APBA2: variants seen among roughly 807,000 people sequenced by gnomAD.
APBA2 encodes the protein amyloid beta precursor protein binding family A member 2, also known as amyloid-beta A4 precursor protein-binding family A member 2.
Under a neutral mutation model 75.0 loss-of-function variants are expected in APBA2, and 30 were observed. The ratio of observed to expected loss-of-function variants is 0.40; its 90% confidence interval spans 0.30 to 0.54. The LOEUF (loss-of-function observed/expected upper bound fraction) is 0.54. Ranked by LOEUF, APBA2 falls within the 20% of genes least tolerant of loss-of-function variation. The pLI is 0.49. For missense variants in APBA2, 801 were observed against 1,016.1 expected (o/e 0.79, Z 2.88); for synonymous variants, 444 against 409.6 (o/e 1.08, Z -1.01).
intron 4 of APBA2, among the ~76,000 whole-genome samples, chr15:29,070,343 C>T (rs79663963): frequency 0.027 from 4,167 of 152,162 alleles, 172 homozygotes; most frequent in East Asian, 0.14. Context: ...GTCTGGATAC[C>T]GGGATGCAGG....
intron 4 of APBA2, among the ~76,000 whole-genome samples, chr15:29,067,513 C>G (rs1334694910): frequency 6.6e-6 from 1 of 152,056 alleles, no homozygotes; most frequent in African/African-American, 2.4e-5. Flanking sequence ...CCCTTCTCTC[C>G]TAGGTCTTGT....
chr15:29,054,872 G>A lies in APBA2; in HGVS notation c.951+37G>A. 1 of 1,572,870 alleles carries A rather than the reference G, an allele frequency of 6.4e-7. No homozygotes were observed. On this transcript the variant is annotated intron_variant, in intron 4 of 14. Transcript: ENST00000683413. This position sits in a 1 kb window ranked among gnomAD's most constrained non-coding sequence, Gnocchi z 6.1. ...GCTGTCCTGGGGAAGGGAGCAGAGG[G>A]GCCCGAGAGCAAGGGACCTCAGGGT...
chr15:28,886,332 G>C (rs1380305284), intron 1 of APBA2, 54 bp downstream of exon 1: 4 of 151,220 alleles, frequency 2.6e-5, no homozygotes, highest in African/African-American at 9.7e-5. Flanking sequence ...GCCTGGGGCC[G>C]CCCGGGGCGC....
At chr15:28,920,345 G>A (rs556079561) in intron 1 of APBA2, among the ~76,000 whole-genome samples, 4 of 152,340 alleles carry the variant, frequency 2.6e-5, no homozygotes, top group African/African-American at 9.6e-5. Context: ...GGTGTGATGG[G>A]GCAAGGAAGC....
At chr15:29,040,053 A>G (rs1030660323) in intron 3 of APBA2, among the ~76,000 whole-genome samples, 1 of 152,192 alleles carries the variant, frequency 6.6e-6, no homozygotes. Flanking sequence ...CTTTGTGGCC[A>G]GAGGGTTGAA....
Position 29,117,341 on chromosome 15 carries a change from A to ATGT in APBA2, c.*210_*212dup, listed in dbSNP as rs953928082. The stretch of plus-strand genomic sequence containing the variant: ...TTATCAAAGGAGAGTCACAGAACAA[A>ATGT]TGTTTGTTTGTAAAGCGTTCCAAGT... On this transcript the variant is annotated 3_prime_UTR_variant, in exon 15 of 15. Transcript: ENST00000683413. 2.3e-5 allele frequency: 14 copies of ATGT among 601,230 alleles called. 1 individual carries two copies. The East Asian group carries it at 3.9e-4, about 17-fold the overall frequency. The allele number at this position is 601,230 out of a possible 1,614,324, so 37.2% of individuals were successfully genotyped here. A position where few individuals can be genotyped will look rare whatever the true frequency, so the allele number is the denominator to read the frequency against.
At chr15:29,104,017 T>G (rs940671854) in intron 10 of APBA2, among the ~76,000 whole-genome samples, 4 of 152,216 alleles carry the variant, frequency 2.6e-5, no homozygotes, top group East Asian at 3.9e-4. Flanking sequence ...TGGAAACGGC[T>G]TAGGGCCCGT....
intron 3 of APBA2, among the ~76,000 whole-genome samples, chr15:29,007,697 G>A (rs1219902178): frequency 6.6e-6 from 1 of 152,066 alleles, no homozygotes; most frequent in African/African-American, 2.4e-5. Context: ...CTATTAGGCC[G>A]GCTATTACAA....
At chr15:28,905,478 G>C (rs1399738670) in intron 1 of APBA2, among the ~76,000 whole-genome samples, 2 of 152,166 alleles carry the variant, frequency 1.3e-5, no homozygotes, top group East Asian at 1.9e-4. Flanking sequence ...ATAACTAGAG[G>C]CTGCCTGGGT....
intron 5 of APBA2, 95 bp from the exon 6 acceptor site, chr15:29,075,960 A>G (rs1180936591): frequency 1.7e-6 from 2 of 1,159,194 alleles, no homozygotes; most frequent in Non-Finnish European, 2.6e-6. Context: ...TGCTTTTCTC[A>G]TTATGGCTCA....
At chr15:28,958,670 A>C (rs1005291317) in intron 2 of APBA2, among the ~76,000 whole-genome samples, 3 of 152,174 alleles carry the variant, frequency 2.0e-5, no homozygotes, top group African/African-American at 7.2e-5. Flanking sequence ...TGAACCCTGC[A>C]TCTCTGCCTG....
chr15:28,947,091 C>G (rs536351199), intron 2 of APBA2, among the ~76,000 whole-genome samples: 2 of 152,342 alleles, frequency 1.3e-5, no homozygotes, highest in Non-Finnish European at 2.9e-5. Context: ...CCCTCTTTTC[C>G]TGGAGAGCAG....
chr15:29,033,149 A>C (rs764545730), intron 3 of APBA2, among the ~76,000 whole-genome samples: 1 of 152,212 alleles, frequency 6.6e-6, no homozygotes, highest in South Asian at 2.1e-4. Flanking sequence ...TGATCTGTGC[A>C]TGTGCTGCAG....
intron 3 of APBA2, among the ~76,000 whole-genome samples, chr15:29,035,622 A>G (rs2040707549): frequency 6.6e-6 from 1 of 152,138 alleles, no homozygotes; most frequent in African/African-American, 2.4e-5. Context: ...TTTATTATTG[A>G]TTTCAGCAGG....
At chr15:28,894,576 G>T (rs1338954064) in intron 1 of APBA2, among the ~76,000 whole-genome samples, 1 of 152,196 alleles carries the variant, frequency 6.6e-6, no homozygotes, top group Non-Finnish European at 1.5e-5. Flanking sequence ...GGCACCCTGG[G>T]CACAGGGGGG....
intron 4 of APBA2, among the ~76,000 whole-genome samples, chr15:29,064,853 C>T (rs994359046): frequency 6.6e-6 from 1 of 152,060 alleles, no homozygotes. Context: ...AGAAAGCACC[C>T]GTTGGCGGTG....
At chr15:28,969,139 T>C (rs2036905960) in intron 2 of APBA2, among the ~76,000 whole-genome samples, 1 of 70,030 alleles carries the variant, frequency 1.4e-5, no homozygotes, top group African/African-American at 5.4e-4. Context: ...TTTCTTTCTT[T>C]CTTTCTTTCT....
chr15:29,062,415 C>G (rs879264250), intron 4 of APBA2, among the ~76,000 whole-genome samples: 1 of 152,112 alleles, frequency 6.6e-6, no homozygotes, highest in African/African-American at 2.4e-5. Flanking sequence ...TAAAATCCTA[C>G]GGGTGTGCAT....
At chr15:28,912,140 A>C (rs2033458924) in intron 1 of APBA2, among the ~76,000 whole-genome samples, 1 of 152,194 alleles carries the variant, frequency 6.6e-6, no homozygotes, top group Non-Finnish European at 1.5e-5. Context: ...TTAATATGAA[A>C]TTATATTAAA....
Sources: allele counts gnomAD v4.1 joint callset (sites outside exome capture counted in the v4.1 genomes callset), GRCh38; gene constraint gnomAD v4.1.1; non-coding constraint Gnocchi (gnomAD v3.1); transcripts MANE v1.5; gene names NCBI Gene and HGNC (gene_info 2026-07-23, HGNC 2026-07-21).